CEP57: variants seen among roughly 807,000 people sequenced by gnomAD.
The protein encoded by CEP57 is centrosomal protein 57.
CEP57 carries 40 observed loss-of-function variants against 68.0 expected under a neutral mutation model. The observed-to-expected ratio is 0.59, with a 90% confidence interval of 0.46 to 0.77. The LOEUF is 0.77. Among genes scored for constraint, CEP57 ranks in the 30% least tolerant of loss-of-function variants. The pLI, the probability that CEP57 is intolerant of heterozygous loss-of-function variation, is 0.00. For missense variants in CEP57, 606 were observed against 580.7 expected (o/e 1.04, Z -0.45); for synonymous variants, 219 against 198.7 (o/e 1.10, Z -0.86).
upstream of CEP57, chr11:95,790,312 G>A (rs1860947920): frequency 3.0e-6 from 1 of 328,762 alleles, no homozygotes; most frequent in Admixed American, 4.5e-5. Context: ...CTTCTTACTG[G>A]AGGAGGCCCG....
chr11:95,795,191 T>C (rs1861289180), intron 1 of CEP57, among the ~76,000 whole-genome samples: 1 of 152,208 alleles, frequency 6.6e-6, no homozygotes, highest in African/African-American at 2.4e-5. Context: ...GTGTAACTGA[T>C]ACGTTTAGGA....
intron 1 of CEP57, among the ~76,000 whole-genome samples, chr11:95,797,638 A>C (rs1861406404): frequency 6.6e-6 from 1 of 152,216 alleles, no homozygotes; most frequent in South Asian, 2.1e-4. Context: ...CTGTATCTGA[A>C]ACCAAGGACA....
At chr11:95,811,906 A>C (rs1862079370) in intron 2 of CEP57, among the ~76,000 whole-genome samples, 1 of 151,662 alleles carries the variant, frequency 6.6e-6, no homozygotes, top group Non-Finnish European at 1.5e-5. Flanking sequence ...GCCTGAGGGA[A>C]TTCTCACTAT....
At chr11:95,792,452 C>G (rs544303837) in intron 1 of CEP57, among the ~76,000 whole-genome samples, 1 of 152,280 alleles carries the variant, frequency 6.6e-6, no homozygotes, top group Admixed American at 6.5e-5. Context: ...TGCTCTCCAG[C>G]CTGGGCGACA....
At chr11:95,825,014 C>T (rs944219252) in intron 8 of CEP57, among the ~76,000 whole-genome samples, 1 of 152,122 alleles carries the variant, frequency 6.6e-6, no homozygotes, top group African/African-American at 2.4e-5. Flanking sequence ...TAGGCATTGC[C>T]CCTAGCTACC....
chr11:95,802,889 A>G (rs974389039), intron 2 of CEP57, among the ~76,000 whole-genome samples: 16 of 152,334 alleles, frequency 1.1e-4, no homozygotes, highest in African/African-American at 3.8e-4. Context: ...TGTCCAGAGT[A>G]GTATTTTGTT....
At chr11:95,793,957 T>C (rs1198912594) in intron 1 of CEP57, among the ~76,000 whole-genome samples, 1 of 152,092 alleles carries the variant, frequency 6.6e-6, no homozygotes, top group African/African-American at 2.4e-5. Flanking sequence ...CCTCTCAGAG[T>C]CTACAAGATC....
chr11:95,822,114 G>A, intron 7 of CEP57, 136 bp downstream of exon 7: 2 of 711,024 alleles, frequency 2.8e-6, no homozygotes, highest in Admixed American at 2.3e-5. Flanking sequence ...TTCAGAAGGT[G>A]GAGATAAGTA....
intron 1 of CEP57, among the ~76,000 whole-genome samples, chr11:95,796,887 A>C (rs1861371486): frequency 6.6e-6 from 1 of 152,144 alleles, no homozygotes; most frequent in African/African-American, 2.4e-5. Flanking sequence ...TTTATAAAGG[A>C]CACAACTCAG....
chr11:95,816,100 G>T (rs541497989), intron 4 of CEP57, among the ~76,000 whole-genome samples: 1 of 152,290 alleles, frequency 6.6e-6, no homozygotes, highest in South Asian at 2.1e-4. Context: ...AAAGAAAGAG[G>T]TTTAATTGAC....
chr11:95,828,130 A>G (rs16922605), intron 9 of CEP57, 103 bp downstream of exon 9: 63,721 of 1,377,698 alleles, frequency 0.046, 1,931 homozygotes, highest in African/African-American at 0.12. Context: ...TTGAGCAAGT[A>G]TGGTTGAGCA....
chr11:95,791,014 T>G (rs949952000), intron 1 of CEP57, among the ~76,000 whole-genome samples: 1 of 152,166 alleles, frequency 6.6e-6, no homozygotes, highest in South Asian at 2.1e-4. Flanking sequence ...TGCCTAACAT[T>G]CCCAAGGGCC....
rs554513774 is a variant in CEP57 at position 95,831,168 on chromosome 11, A to G, written c.1415A>G (p.Glu472Gly). ...KKDFMKLRPG[E>G]KRRKNLQLLK... ...GATTTTATGAAACTGAGACCTGGAG[A>G]AAAAAGGAGAAAAAATCTTCAGTTA... Residue 472 changes from glutamate (E) to glycine (G), a missense_variant, in exon 11 of 11, where the codon GAA becomes GGA. Transcript: ENST00000325542. 13 of 1,613,302 alleles carry G rather than the reference A, an allele frequency of 8.1e-6. No homozygotes were observed. The South Asian group carries it at 1.3e-4, about 16-fold the overall frequency.
Position 95,822,580 on chromosome 11 carries a change from A to G in CEP57, c.885+4A>G, listed in dbSNP as rs1227112934. On this transcript the variant is annotated splice_donor_region_variant and intron_variant, in intron 8 of 10. Transcript: ENST00000325542. ...TATGCCATTTGTAGCTGGGAAGGTG[A>G]GTTGGTCAAACTCCGGATTCTTTTT... The G allele has an allele frequency of 1.2e-5, 20 of 1,611,642 alleles. No homozygotes were observed. The highest frequency in any genetic ancestry group is 1.7e-5 in the Non-Finnish European group (20 of 1,177,918).
intron 1 of CEP57, 111 bp downstream of exon 1, chr11:95,790,854 G>A: frequency 7.8e-7 from 1 of 1,277,448 alleles, no homozygotes; most frequent in African/African-American, 1.5e-5. Context: ...TCTGGAGGTC[G>A]GCGGGAATGC....
chr11:95,823,788 A>T (rs1376300522), intron 8 of CEP57, among the ~76,000 whole-genome samples: 1 of 152,280 alleles, frequency 6.6e-6, no homozygotes, highest in East Asian at 1.9e-4. Flanking sequence ...ATCATCTTCA[A>T]ATGAGCAGTT....
At position 95,821,981 on chromosome 11, in the gene CEP57, G is replaced by A. The variant is rs181776180; in HGVS notation, c.807+3G>A. 2,090 of 1,604,918 alleles carry A rather than the reference G, an allele frequency of 1.3e-3. 31 individuals carry two copies. The African/African-American group carries it at 0.024, about 18-fold the overall frequency. On this transcript the variant is annotated splice_donor_region_variant and intron_variant, in intron 7 of 10. Coordinates refer to ENST00000325542, the MANE Select transcript of CEP57 (RefSeq NM_014679.5). ...AGAAGTCAAAACCACCAGAAAAGGT[G>A]TGAAGACAGAACCAAATCAGGCAAA...
At chr11:95,822,024 T>G in intron 7 of CEP57, 46 bp downstream of exon 7, 1 of 1,306,872 alleles carries the variant, frequency 7.7e-7, no homozygotes, top group Non-Finnish European at 1.1e-6. Context: ...TTACTTGGTA[T>G]AGTTTATGTC....
intron 3 of CEP57, 56 bp downstream of exon 3, chr11:95,813,167 G>A: frequency 6.5e-7 from 1 of 1,528,798 alleles, no homozygotes; most frequent in Non-Finnish European, 9.0e-7. Context: ...GCAGTATTAA[G>A]TATTCTAAAA....
Sources: allele counts gnomAD v4.1 joint callset (sites outside exome capture counted in the v4.1 genomes callset), GRCh38; gene constraint gnomAD v4.1.1; transcripts MANE v1.5; gene names NCBI Gene and HGNC (gene_info 2026-07-23, HGNC 2026-07-21).